Variants in FAM227A observed in about 807,000 individuals in gnomAD.
FAM227A encodes family with sequence similarity 227 member A.
A neutral mutation model predicts 74.7 loss-of-function variants in FAM227A; 80 were observed. The ratio of observed to expected loss-of-function variants is 1.07; its 90% CI spans 0.89 to 1.29. The LOEUF is 1.29. Ranked by LOEUF, FAM227A falls within the 50% of genes most tolerant of loss-of-function variation. The probability of loss-of-function intolerance (pLI) is 0.00; values close to 1 mark genes in which losing one functional copy is unlikely to be tolerated. For missense variants in FAM227A, 654 were observed against 683.4 expected (o/e 0.96, Z 0.48); for synonymous variants, 237 against 241.8 (o/e 0.98, Z 0.19).
rs1458156695 is a variant in FAM227A at position 38,579,010 on chromosome 22, G to A, written c.*7115C>T. On this transcript the variant is annotated 3_prime_UTR_variant, in exon 17 of 17. Coordinates refer to ENST00000535113, the MANE Select transcript of FAM227A (RefSeq NM_001013647.2). ...CAACAATTATCACCCCTATTTACACGATGGAACTGGGGCACCAGGAGGTTA... is the reference window on the plus strand; with the variant it reads ...CAACAATTATCACCCCTATTTACACAATGGAACTGGGGCACCAGGAGGTTA... 1 of 152,160 alleles carries A rather than the reference G, an allele frequency of 6.6e-6. No individual in the cohort carries two copies. The highest frequency in any genetic ancestry group is 1.5e-5 in the Non-Finnish European group (1 of 68,052). The allele number at this position is 152,160 out of a possible 1,614,324, so 9.4% of individuals were successfully genotyped here.
chr22:38,633,549 T>C (rs890142262), intron 6 of FAM227A, among the ~76,000 whole-genome samples: 3 of 152,116 alleles, frequency 2.0e-5, no homozygotes, highest in Non-Finnish European at 2.9e-5. Flanking sequence ...TATAATATTT[T>C]TTTGTTTGTT....
At chr22:38,614,134 T>C (rs2091526783) in intron 11 of FAM227A, among the ~76,000 whole-genome samples, 1 of 152,170 alleles carries the variant, frequency 6.6e-6, no homozygotes, top group South Asian at 2.1e-4. Flanking sequence ...CTCAACTATA[T>C]ACTACTTCTC....
chr22:38,614,928 A>G (rs1569209380), intron 11 of FAM227A, among the ~76,000 whole-genome samples: 1 of 152,218 alleles, frequency 6.6e-6, no homozygotes, highest in Non-Finnish European at 1.5e-5. Context: ...TTTACAGAGC[A>G]CAGTCATATG....
intron 15 of FAM227A, among the ~76,000 whole-genome samples, chr22:38,596,288 T>C (rs1338162946): frequency 6.6e-6 from 1 of 152,158 alleles, no homozygotes; most frequent in Non-Finnish European, 1.5e-5. Flanking sequence ...ACCACTGCAC[T>C]CCAGCCTAGG....
rs1287004053 is a variant in FAM227A at position 38,584,159 on chromosome 22, A to T, written c.*1966T>A. ...TTTCTATCGGAGCATTAATGCATTT[A>T]TTGGTTTACACATCCTTCTCTTTTT... On this transcript the variant is annotated 3_prime_UTR_variant, in exon 17 of 17. Transcript: ENST00000535113. 1 of 152,100 alleles carries T rather than the reference A, an allele frequency of 6.6e-6. No homozygotes were observed. Among genetic ancestry groups the T allele is most frequent in the Non-Finnish European group, 1.5e-5 (1 of 68,046 alleles). 9.4% of individuals were successfully genotyped at this position (152,100 alleles called of 1,614,324 possible).
At chr22:38,600,211 G>A (rs2091142102) in intron 13 of FAM227A, among the ~76,000 whole-genome samples, 1 of 151,926 alleles carries the variant, frequency 6.6e-6, no homozygotes. Context: ...TGTTTATGAA[G>A]AGTTGATAAC....
At chr22:38,613,135 TAATA>T (rs1216303428) in intron 11 of FAM227A, among the ~76,000 whole-genome samples, 4 of 90,574 alleles carry the variant, frequency 4.4e-5, no homozygotes, top group East Asian at 5.5e-4. Context: ...ATTATATATA[TAATA>T]TATATATTAT....
chr22:38,598,653 C>T (rs560538845), intron 14 of FAM227A, among the ~76,000 whole-genome samples: 69 of 152,310 alleles, frequency 4.5e-4, no homozygotes, highest in Middle Eastern at 3.4e-3. Flanking sequence ...TCAATGTAGA[C>T]GTGGATCATC....
chr22:38,586,729 C>T (rs1018985959), intron 16 of FAM227A, among the ~76,000 whole-genome samples: 2 of 151,986 alleles, frequency 1.3e-5, no homozygotes, highest in Non-Finnish European at 2.9e-5. Flanking sequence ...AGTGCAGTGG[C>T]GCGATCTCAG....
intron 8 of FAM227A, 75 bp from the exon 9 acceptor site, chr22:38,626,378 A>G: frequency 6.8e-7 from 1 of 1,472,922 alleles, no homozygotes; most frequent in Non-Finnish European, 9.0e-7. Flanking sequence ...ATGAGGAAGG[A>G]CTTTCTTTTT....
intron 16 of FAM227A, among the ~76,000 whole-genome samples, chr22:38,586,576 A>C (rs2090814025): frequency 6.6e-6 from 1 of 152,202 alleles, no homozygotes; most frequent in South Asian, 2.1e-4. Context: ...CCAGATGTGA[A>C]TCTTCAGAAT....
At chr22:38,639,225 C>T (rs1452874651) in intron 4 of FAM227A, among the ~76,000 whole-genome samples, 1 of 151,734 alleles carries the variant, frequency 6.6e-6, no homozygotes, top group African/African-American at 2.4e-5. Context: ...GCCTGGCCAA[C>T]ATGGTAAAAC....
intron 6 of FAM227A, among the ~76,000 whole-genome samples, chr22:38,635,419 C>T (rs1301700841): frequency 2.0e-5 from 3 of 151,756 alleles, no homozygotes; most frequent in Non-Finnish European, 2.9e-5. Context: ...GCTTTGGGGA[C>T]AAGAGTTATG....
intron 11 of FAM227A, among the ~76,000 whole-genome samples, chr22:38,619,833 A>G (rs2091649011): frequency 6.6e-6 from 1 of 152,218 alleles, no homozygotes; most frequent in Non-Finnish European, 1.5e-5. Flanking sequence ...GAGGTACATC[A>G]GAAGGAACAT....
At chr22:38,630,791 G>A (rs7290217) in intron 6 of FAM227A, among the ~76,000 whole-genome samples, 10 of 152,114 alleles carry the variant, frequency 6.6e-5, no homozygotes, top group Admixed American at 2.0e-4. Context: ...TAGGATCCCC[G>A]GGACAAGGCA....
chr22:38,652,633 T>A (rs1357371884), intron 1 of FAM227A, among the ~76,000 whole-genome samples: 1 of 147,730 alleles, frequency 6.8e-6, no homozygotes, highest in Non-Finnish European at 1.5e-5. Context: ...ACGCCTATAA[T>A]CCCAGCACTT....
intron 11 of FAM227A, among the ~76,000 whole-genome samples, chr22:38,608,994 T>C (rs2091352670): frequency 6.6e-6 from 1 of 151,936 alleles, no homozygotes; most frequent in African/African-American, 2.4e-5. Flanking sequence ...GGTTTCACCA[T>C]GTTGGCCAGG....
intron 8 of FAM227A, among the ~76,000 whole-genome samples, chr22:38,627,506 T>C (rs1160435690): frequency 6.6e-6 from 1 of 151,742 alleles, no homozygotes; most frequent in Admixed American, 6.6e-5. Flanking sequence ...AATTGGAAGT[T>C]GCAGTGAGTC....
intron 13 of FAM227A, among the ~76,000 whole-genome samples, chr22:38,603,349 G>A (rs968311403): frequency 1.5e-4 from 23 of 152,102 alleles, no homozygotes; most frequent in African/African-American, 5.3e-4. Flanking sequence ...TTAGCTGGGC[G>A]TGGTGGCACA....
Sources: allele counts gnomAD v4.1 joint callset (sites outside exome capture counted in the v4.1 genomes callset), GRCh38; gene constraint gnomAD v4.1.1; transcripts MANE v1.5; gene names NCBI Gene and HGNC (gene_info 2026-07-23, HGNC 2026-07-21).